Variants in DDC observed in about 807,000 individuals in gnomAD.
DDC encodes the protein aromatic-L-amino-acid decarboxylase.
In DDC, 43 loss-of-function variants were observed where a neutral mutation model predicts 60.0. That is an observed-to-expected ratio of 0.72 (90% CI 0.56 to 0.92). The LOEUF is 0.92. DDC is among the 40% of genes least tolerant of loss of function. DDC has a pLI of 0.00. For synonymous variants in DDC, 232 were observed against 234.6 expected (o/e 0.99, Z 0.10); for missense variants, 573 against 620.2 (o/e 0.92, Z 0.81).
chr7:50,485,732 C>G (rs1192062776), intron 9 of DDC, among the ~76,000 whole-genome samples: 1 of 152,082 alleles, frequency 6.6e-6, no homozygotes, highest in Non-Finnish European at 1.5e-5. Context: ...CTTAGACTGT[C>G]AAAATATTTA....
intron 6 of DDC, among the ~76,000 whole-genome samples, chr7:50,512,960 A>G (rs1346581201): frequency 6.6e-6 from 1 of 152,238 alleles, no homozygotes; most frequent in East Asian, 1.9e-4. Context: ...CCTAAGGCCA[A>G]TCATCATGGC....
chr7:50,525,687 C>A (rs576440422), intron 6 of DDC, among the ~76,000 whole-genome samples: 1 of 152,028 alleles, frequency 6.6e-6, no homozygotes, highest in East Asian at 1.9e-4. Context: ...TTACTTGAAC[C>A]TGGGAGGCAG....
chr7:50,533,414 A>G (rs1232673166), intron 4 of DDC, among the ~76,000 whole-genome samples: 1 of 151,586 alleles, frequency 6.6e-6, no homozygotes, highest in Non-Finnish European at 1.5e-5. Context: ...TCCTGCCTCA[A>G]CCTCCTGAGT....
chr7:50,527,865 C>CAA (rs59085745), intron 6 of DDC: 19 of 324,744 alleles, frequency 5.9e-5, no homozygotes, highest in Admixed American at 8.5e-5. Context: ...ATTGACAAAA[C>CAA]AAAAAAAAAA....
chr7:50,564,675 A>G (rs1400950791), intron 1 of DDC, among the ~76,000 whole-genome samples: 6 of 151,170 alleles, frequency 4.0e-5, no homozygotes, highest in Non-Finnish European at 4.5e-5. Context: ...TCCTATCCGC[A>G]TATGTTTTCA....
Position 50,499,673 on chromosome 7 carries a change from C to G in DDC, c.782-431G>C, listed in dbSNP as rs1323789212. 2.0e-5 allele frequency among the ~76,000 whole-genome samples: 3 copies of G among 152,182 alleles called. No homozygotes were observed. The East Asian group carries it at 5.8e-4, about 29-fold the overall frequency. ...CAAGGGGAGGTCTGCACACAGTCCA[C>G]GCTGACCTCTACCTGCCCCACTCCA... On this transcript the variant is annotated intron_variant, in intron 7 of 14. Coordinates refer to ENST00000444124, the MANE Select transcript of DDC (RefSeq NM_001082971.2).
At position 50,539,797 on chromosome 7, in the gene DDC, C is replaced by T. The variant is rs754450006; in HGVS notation, c.315+118G>A. The stretch of plus-strand genomic sequence containing the variant: ...CTTTCTCCTCCCTGCAACAGTAGCC[C>T]GTCTGCCCACAGACAGCACCGCCAT... On this transcript the variant is annotated intron_variant, in intron 3 of 14. Transcript: ENST00000444124. The T allele has an allele frequency of 2.1e-4, 158 of 746,436 alleles. 1 individual carries two copies. The highest frequency in any genetic ancestry group is 3.5e-4 in the Non-Finnish European group (146 of 422,628). The allele number at this position is 746,436 out of a possible 1,614,324, so 46.2% of individuals were successfully genotyped here.
chr7:50,481,727 C>G (rs987921954), intron 9 of DDC, among the ~76,000 whole-genome samples: 4 of 152,168 alleles, frequency 2.6e-5, no homozygotes, highest in African/African-American at 9.7e-5. Context: ...CCTACTCTTA[C>G]ATAGTTCTAC....
In DDC at chr7:50,543,795, C is replaced by A. The variant is rs2044712405; in HGVS notation, c.201+90G>T. 91 of 1,311,784 alleles carry A rather than the reference C, an allele frequency of 6.9e-5. No individual in the cohort carries two copies. In the South Asian group the frequency reaches 9.8e-4, roughly 14 times the overall value. The allele number at this position is 1,311,784 out of a possible 1,614,324, so 81.3% of individuals were successfully genotyped here. ...TCCAACCTGACTGCCATAGGGATTC[C>A]TTGAAACAAAGTATGTGAATTGCTC... On this transcript the variant is annotated intron_variant, in intron 2 of 14. Transcript: ENST00000444124.
intron 6 of DDC, among the ~76,000 whole-genome samples, chr7:50,504,368 T>G (rs1347334089): frequency 2.0e-5 from 3 of 152,180 alleles, no homozygotes. Context: ...TGGACAATGA[T>G]ACCTATATTC....
intron 4 of DDC, among the ~76,000 whole-genome samples, chr7:50,535,522 G>A (rs2044374710): frequency 6.6e-6 from 1 of 152,248 alleles, no homozygotes; most frequent in Non-Finnish European, 1.5e-5. Flanking sequence ...ATGCGAAGGA[G>A]GAGCACGTGG....
chr7:50,526,726 T>A (rs2044046546), intron 6 of DDC, among the ~76,000 whole-genome samples: 1 of 152,208 alleles, frequency 6.6e-6, no homozygotes, highest in Non-Finnish European at 1.5e-5. Flanking sequence ...TTTCACAGGA[T>A]ACATCTTAAA....
chr7:50,495,316 C>A (rs1197995189), intron 9 of DDC, 34 bp downstream of exon 9: 2 of 1,547,498 alleles, frequency 1.3e-6, no homozygotes, highest in Non-Finnish European at 1.8e-6. Context: ...TCACCTCGGA[C>A]AGGCAACTGA....
Position 50,529,304 on chromosome 7 carries a change from G to A in DDC, c.474C>T (p.Ala158=), listed in dbSNP as rs765754221. The A allele has an allele frequency of 1.9e-6, 3 of 1,614,024 alleles. No individual in the cohort carries two copies. Among genetic ancestry groups the A allele is most frequent in the East Asian group, 2.2e-5 (1 of 44,894 alleles). The stretch of plus-strand genomic sequence containing the variant: ...GCCGATGGATCACTTTGGTCCGAGC[G>A]GCCAGCAGGGCCACCAGGGTGGCTT... The part of the protein sequence containing the change: ...ASEATLVALL[A]ARTKVIHRLQ... Residue 158 remains alanine, a synonymous_variant, in exon 5 of 15, where the codon GCC becomes GCT. Transcript: ENST00000444124.
intron 6 of DDC, among the ~76,000 whole-genome samples, chr7:50,525,118 C>T (rs2044002823): frequency 6.6e-6 from 1 of 152,194 alleles, no homozygotes. Flanking sequence ...ATTTATATAA[C>T]ATTCTCAAAA....
At chr7:50,540,739 C>T (rs2153549385) in intron 2 of DDC, among the ~76,000 whole-genome samples, 1 of 152,326 alleles carries the variant, frequency 6.6e-6, no homozygotes, top group African/African-American at 2.4e-5. Flanking sequence ...ACCTGCCACT[C>T]CCTGGGTGAG....
In DDC at chr7:50,479,245, G is replaced by C. The variant is rs573694393; in HGVS notation, c.1021+542C>G. Among the ~76,000 whole-genome samples the C allele has an allele frequency of 7.9e-5, 12 of 152,272 alleles. No homozygotes were observed. The East Asian group carries it at 2.3e-3, about 29-fold the overall frequency. ...GCTAGACGTTGCAGGTGGGTGCTGA[G>C]CCTCCTTGGCTGTCACCAGCGCCAG... On this transcript the variant is annotated intron_variant, in intron 10 of 14. Coordinates refer to ENST00000444124, the MANE Select transcript of DDC (RefSeq NM_001082971.2).
chr7:50,500,511 A>G (rs2043228393), intron 7 of DDC, among the ~76,000 whole-genome samples: 1 of 152,186 alleles, frequency 6.6e-6, no homozygotes, highest in South Asian at 2.1e-4. Context: ...ACAGGCATGG[A>G]CATCCCATGA....
intron 9 of DDC, among the ~76,000 whole-genome samples, chr7:50,482,730 C>A (rs1467318347): frequency 6.6e-6 from 1 of 152,146 alleles, no homozygotes; most frequent in Admixed American, 6.5e-5. Flanking sequence ...ATAGAATTTT[C>A]TCCATATAAA....
Sources: gnomAD v4.1 joint callset for allele counts (sites outside exome capture counted in the v4.1 genomes callset) on GRCh38, gnomAD v4.1.1 for gene constraint, MANE v1.5 for transcripts, NCBI Gene and HGNC (gene_info 2026-07-23, HGNC 2026-07-21) for gene names.